L3MBTL3: variants seen among roughly 807,000 people sequenced by gnomAD.
L3MBTL3 encodes the protein L3MBTL histone methyl-lysine binding protein 3, also known as lethal(3)malignant brain tumor-like protein 3.
Under a neutral mutation model 102.3 loss-of-function variants are expected in L3MBTL3, and 27 were observed. That is an observed-to-expected ratio of 0.26 (90% CI 0.19 to 0.36). The LOEUF is 0.36. Ranked by LOEUF, L3MBTL3 falls within the 10% of genes least tolerant of loss-of-function variation. The pLI is 1.00. For synonymous variants in L3MBTL3, 340 were observed against 320.9 expected (o/e 1.06, Z -0.64); for missense variants, 798 against 955.3 (o/e 0.84, Z 2.17).
At chr6:130,099,797 G>T (rs995865972) in intron 18 of L3MBTL3, among the ~76,000 whole-genome samples, 4 of 152,044 alleles carry the variant, frequency 2.6e-5, no homozygotes, top group African/African-American at 9.7e-5. Flanking sequence ...TCTTTGTGCC[G>T]GTGTCCTCAT....
intron 11 of L3MBTL3, among the ~76,000 whole-genome samples, chr6:130,067,107 C>T (rs971605850): frequency 1.3e-5 from 2 of 152,092 alleles, no homozygotes; most frequent in African/African-American, 4.8e-5. Context: ...CACTGTCTGC[C>T]TAAAGTATTC....
At chr6:130,114,792 A>T (rs1236558960) in intron 19 of L3MBTL3, among the ~76,000 whole-genome samples, 1 of 152,176 alleles carries the variant, frequency 6.6e-6, no homozygotes, top group African/African-American at 2.4e-5. Context: ...AAAACTCTTT[A>T]TTTGAATGTT....
chr6:130,027,267 A>AT, intron 2 of L3MBTL3, among the ~76,000 whole-genome samples: 1 of 152,270 alleles, frequency 6.6e-6, no homozygotes, highest in South Asian at 2.1e-4. Flanking sequence ...TATTTAAAAC[A>AT]TTTTTTGAGC....
chr6:130,042,030 C>T (rs1034999430), intron 2 of L3MBTL3, among the ~76,000 whole-genome samples: 3 of 152,200 alleles, frequency 2.0e-5, no homozygotes, highest in African/African-American at 7.2e-5. Context: ...AATCTTTCAT[C>T]AGTTGTCTAT....
intron 19 of L3MBTL3, among the ~76,000 whole-genome samples, chr6:130,120,626 C>T (rs1211972639): frequency 6.6e-6 from 1 of 152,190 alleles, no homozygotes; most frequent in Non-Finnish European, 1.5e-5. Context: ...GCTACATTTT[C>T]CAGAATAGTT....
intron 8 of L3MBTL3, among the ~76,000 whole-genome samples, chr6:130,056,693 T>G (rs1282195490): frequency 6.6e-6 from 1 of 152,142 alleles, no homozygotes; most frequent in Non-Finnish European, 1.5e-5. Flanking sequence ...CCTGCCCTTC[T>G]TTTTCACCTC....
intron 20 of L3MBTL3, among the ~76,000 whole-genome samples, chr6:130,127,171 GTGA>G (rs1786663432): frequency 6.6e-6 from 1 of 152,178 alleles, no homozygotes; most frequent in African/African-American, 2.4e-5. Flanking sequence ...TCTGAGCATG[GTGA>G]TGACTTTTAG....
At chr6:130,087,219 A>G (rs1783742768) in intron 16 of L3MBTL3, among the ~76,000 whole-genome samples, 1 of 152,180 alleles carries the variant, frequency 6.6e-6, no homozygotes, top group Admixed American at 6.5e-5. Context: ...TGGTATTTCT[A>G]TAGAATAGAA....
Position 130,042,670 on chromosome 6 carries a change from C to T in L3MBTL3, c.-15-15C>T. On this transcript the variant is annotated splice_polypyrimidine_tract_variant and intron_variant, in intron 2 of 22. Coordinates refer to ENST00000361794, the MANE Select transcript of L3MBTL3 (RefSeq NM_032438.4). ...TGTGGAATATTTAGTGATATGCCTT[C>T]TTTTCCCCTTTCAGGTTAAAAAATA... is the stretch of plus-strand genomic sequence containing the variant. The T allele has an allele frequency of 6.9e-7, 1 of 1,458,508 alleles. No homozygotes were observed. Among genetic ancestry groups the T allele is most frequent in the Non-Finnish European group, 9.6e-7 (1 of 1,038,766 alleles). The allele number at this position is 1,458,508 out of a possible 1,614,324, so 90.3% of individuals were successfully genotyped here. A position where few individuals can be genotyped will look rare whatever the true frequency, so the allele number is the denominator to read the frequency against.
At chr6:130,084,276 T>C (rs1278736483) in intron 15 of L3MBTL3, among the ~76,000 whole-genome samples, 1 of 152,154 alleles carries the variant, frequency 6.6e-6, no homozygotes, top group Non-Finnish European at 1.5e-5. Flanking sequence ...AAGTGAAATA[T>C]ATTTCTCATT....
intron 1 of L3MBTL3, chr6:130,019,348 C>A (rs1230588088): frequency 1.4e-5 from 2 of 146,032 alleles, no homozygotes; most frequent in Admixed American, 6.8e-5. Context: ...CGGATCGGTG[C>A]GGCGGGAGGC....
At chr6:130,072,220 C>T (rs920474600) in intron 13 of L3MBTL3, among the ~76,000 whole-genome samples, 8 of 151,614 alleles carry the variant, frequency 5.3e-5, no homozygotes, top group East Asian at 3.9e-4. Flanking sequence ...AGTATAACTA[C>T]GTAAATAATT....
At chr6:130,073,895 A>G (rs1001331915) in intron 13 of L3MBTL3, among the ~76,000 whole-genome samples, 3 of 152,202 alleles carry the variant, frequency 2.0e-5, no homozygotes, top group Non-Finnish European at 4.4e-5. Flanking sequence ...TTAGACTTCC[A>G]GCTACTGACA....
intron 10 of L3MBTL3, among the ~76,000 whole-genome samples, chr6:130,062,268 C>T (rs1169214797): frequency 1.3e-5 from 2 of 152,082 alleles, no homozygotes; most frequent in African/African-American, 4.8e-5. Context: ...ATTCCATATC[C>T]CAGAGAGCAT....
intron 18 of L3MBTL3, among the ~76,000 whole-genome samples, chr6:130,096,928 C>A (rs968480575): frequency 5.3e-5 from 8 of 152,200 alleles, no homozygotes; most frequent in Admixed American, 6.5e-5. Flanking sequence ...AACCCGTATT[C>A]ATTTTCTTAT....
intron 13 of L3MBTL3, among the ~76,000 whole-genome samples, chr6:130,071,524 T>G (rs1004670738): frequency 2.6e-5 from 4 of 152,088 alleles, no homozygotes; most frequent in African/African-American, 9.6e-5. Flanking sequence ...TGCACAAAGT[T>G]GTAAAAGCAA....
In L3MBTL3 at chr6:130,086,265, T is replaced by TG. The variant is rs962492668; in HGVS notation, c.1518+21dup. On this transcript the variant is annotated intron_variant, in intron 16 of 22. Coordinates refer to ENST00000361794, the MANE Select transcript of L3MBTL3 (RefSeq NM_032438.4). Reference sequence around the variant, plus strand: ...ACCGGGTAAAAGTAAGTGTTCTGTGTGGGGGGTTGGCTTTGTCTTTTGTTA... The same window carrying TG: ...ACCGGGTAAAAGTAAGTGTTCTGTGTGGGGGGGTTGGCTTTGTCTTTTGTTA... 1 of 1,514,572 alleles carries TG rather than the reference T, an allele frequency of 6.6e-7. No individual in the cohort carries two copies. The highest frequency in any genetic ancestry group is 9.1e-7 in the Non-Finnish European group (1 of 1,103,154). 93.8% of individuals were successfully genotyped at this position (1,514,572 alleles called of 1,614,324 possible).
intron 13 of L3MBTL3, among the ~76,000 whole-genome samples, chr6:130,075,053 A>G (rs535262621): frequency 4.6e-5 from 7 of 152,228 alleles, no homozygotes; most frequent in African/African-American, 1.7e-4. Context: ...TAGGCTTGTC[A>G]CTATTTGGTT....
intron 2 of L3MBTL3, among the ~76,000 whole-genome samples, chr6:130,038,637 T>A (rs1780213151): frequency 6.6e-6 from 1 of 152,142 alleles, no homozygotes; most frequent in Non-Finnish European, 1.5e-5. Flanking sequence ...TGCTGCTGAG[T>A]TATTTGAGCT....
Sources: allele counts gnomAD v4.1 joint callset (sites outside exome capture counted in the v4.1 genomes callset), GRCh38; gene constraint gnomAD v4.1.1; transcripts MANE v1.5; gene names NCBI Gene and HGNC (gene_info 2026-07-23, HGNC 2026-07-21).